The following CDH4 variants were observed in gnomAD, a reference collection of about 807,000 sequenced individuals.
CDH4 encodes the protein cadherin 4, also known as cadherin-4.
A neutral mutation model predicts 86.0 loss-of-function variants in CDH4; 33 were observed. That is an observed-to-expected ratio of 0.38 (90% CI 0.29 to 0.51). The LOEUF is 0.51. CDH4 is among the 20% of genes least tolerant of loss of function. The pLI is 0.86. For synonymous variants in CDH4, 555 were observed against 549.4 expected, an observed-to-expected ratio of 1.01 and a Z score of -0.14; for missense variants, 1,114 against 1,307.4, an observed-to-expected ratio of 0.85 and a Z score of 2.28.
intron 2 of CDH4, among the ~76,000 whole-genome samples, chr20:61,500,686 G>A (rs2085694611): frequency 6.6e-6 from 1 of 152,244 alleles, no homozygotes. Context: ...TGTGACTGAT[G>A]GGAAGAGGAA....
chr20:61,472,220 C>G (rs1487906271), intron 2 of CDH4, among the ~76,000 whole-genome samples: 2 of 152,202 alleles, frequency 1.3e-5, no homozygotes, highest in Non-Finnish European at 2.9e-5. Context: ...ATTGTTACAG[C>G]TGCTTGCTGA....
At chr20:61,496,929 GT>G (rs202011329) in intron 2 of CDH4, among the ~76,000 whole-genome samples, 3 of 133,732 alleles carry the variant, frequency 2.2e-5, no homozygotes, top group African/African-American at 5.6e-5. Flanking sequence ...GTGGGCAGGT[GT>G]TTTTTTTTGT....
chr20:61,882,004 G>A lies in CDH4; in HGVS notation c.1050+8104G>A, dbSNP rs541906851. 1.3e-3 allele frequency among the ~76,000 whole-genome samples: 191 copies of A among 152,352 alleles called. 1 individual carries two copies. Among genetic ancestry groups the A allele is most frequent in the African/African-American group, 4.5e-3 (186 of 41,582 alleles). On this transcript the variant is annotated intron_variant, in intron 7 of 15. Coordinates refer to ENST00000614565, the MANE Select transcript of CDH4 (RefSeq NM_001794.5). ...CAGACGATAAGGCTACAAGCCAAGG[G>A]TGCCTGGAGCCGCCAGGAGGTGGAA...
intron 2 of CDH4, among the ~76,000 whole-genome samples, chr20:61,408,634 C>G (rs146246791): frequency 1.8e-4 from 28 of 152,252 alleles, no homozygotes; most frequent in African/African-American, 6.5e-4. Context: ...GTCATGGAGA[C>G]AGTGTGGGGT....
In CDH4 at chr20:61,935,029, A is replaced by T. The variant is rs145078954; in HGVS notation, c.2544+809A>T. On this transcript the variant is annotated intron_variant, in intron 15 of 15. Coordinates refer to ENST00000614565, the MANE Select transcript of CDH4 (RefSeq NM_001794.5). ...GGTGAAGAGAACAGAGGAGCAAGTC[A>T]AACAGGGCAGACTCCTCCCAGGGAG... Among the ~76,000 whole-genome samples the T allele has an allele frequency of 1.5e-3, 234 of 152,352 alleles. 2 individuals carry two copies. The highest frequency in any genetic ancestry group is 5.4e-3 in the African/African-American group (225 of 41,574).
In CDH4 at chr20:61,518,873, A is replaced by G. The variant is rs1024144434; in HGVS notation, c.170-224690A>G. Among the ~76,000 whole-genome samples, 4 of 151,198 alleles carry G rather than the reference A, an allele frequency of 2.6e-5. No individual in the cohort carries two copies. The highest frequency in any genetic ancestry group is 9.7e-5 in the African/African-American group (4 of 41,268). On this transcript the variant is annotated intron_variant, in intron 2 of 15. Transcript: ENST00000614565. The surrounding 1 kb of genome is among the most constrained non-coding windows in gnomAD (Gnocchi z 6.3). ...CCCATCACCCATTCATCCATCATTCATTCATCAATCCACCCATCATCCATT... is the reference window on the plus strand; with the variant it reads ...CCCATCACCCATTCATCCATCATTCGTTCATCAATCCACCCATCATCCATT...
intron 2 of CDH4, among the ~76,000 whole-genome samples, chr20:61,408,550 T>G (rs2085097168): frequency 6.6e-6 from 1 of 152,128 alleles, no homozygotes; most frequent in Non-Finnish European, 1.5e-5. Context: ...CCTCCAGATG[T>G]TGCATTGCCT....
chr20:61,776,325 G>A (rs528236356), intron 4 of CDH4, among the ~76,000 whole-genome samples: 1 of 152,360 alleles, frequency 6.6e-6, no homozygotes, highest in East Asian at 1.9e-4. Context: ...GCCTCCTGAG[G>A]ACTGTCTGCT....
chr20:61,755,034 A>G (rs6061798), intron 3 of CDH4: 20,955 of 152,230 alleles, frequency 0.14, 2,098 homozygotes, highest in African/African-American at 0.27. Context: ...GGCAGGAGGC[A>G]AAAGGCGTTT....
intron 2 of CDH4, among the ~76,000 whole-genome samples, chr20:61,622,090 G>A (rs1321156432): frequency 2.0e-5 from 3 of 152,240 alleles, no homozygotes; most frequent in Non-Finnish European, 4.4e-5. Flanking sequence ...TCAAGGGTTG[G>A]CTGCTCACTG....
chr20:61,894,873 A>G, intron 7 of CDH4, 37 bp from the exon 8 acceptor site: 1 of 1,589,904 alleles, frequency 6.3e-7, no homozygotes, highest in Non-Finnish European at 8.6e-7. Flanking sequence ...ACCCAAACTG[A>G]TTTTCTGTTC....
chr20:61,620,535 TGATA>T (rs760673871), intron 2 of CDH4, among the ~76,000 whole-genome samples: 89 of 150,976 alleles, frequency 5.9e-4, no homozygotes, highest in South Asian at 1.5e-3. Flanking sequence ...CATACATACA[TGATA>T]GATAGGCAGA....
intron 6 of CDH4, among the ~76,000 whole-genome samples, chr20:61,857,060 T>C (rs906671469): frequency 6.6e-6 from 1 of 152,208 alleles, no homozygotes; most frequent in African/African-American, 2.4e-5. Context: ...GAGGGGAGCG[T>C]GTCTTTCCCA....
chr20:61,478,241 T>C (rs2085550182), intron 2 of CDH4, among the ~76,000 whole-genome samples: 1 of 151,706 alleles, frequency 6.6e-6, no homozygotes, highest in Non-Finnish European at 1.5e-5. Flanking sequence ...GAAGAGGAGG[T>C]GCTAGGAGCT....
At chr20:61,388,841 G>C (rs1175370827) in intron 2 of CDH4, among the ~76,000 whole-genome samples, 4 of 152,162 alleles carry the variant, frequency 2.6e-5, no homozygotes, top group African/African-American at 9.7e-5. Flanking sequence ...CATCTAAAAC[G>C]TAACTTCAAT....
chr20:61,763,319 C>T (rs1568802021), intron 3 of CDH4, among the ~76,000 whole-genome samples: 1 of 152,198 alleles, frequency 6.6e-6, no homozygotes, highest in African/African-American at 2.4e-5. Context: ...AACCCATGCT[C>T]AGGGAACCCA....
chr20:61,453,406 C>T (rs758667294), intron 2 of CDH4, among the ~76,000 whole-genome samples: 2 of 152,122 alleles, frequency 1.3e-5, no homozygotes, highest in South Asian at 2.1e-4. Flanking sequence ...GAATCCCAGC[C>T]GGCTGTGAGG....
At chr20:61,741,746 C>T (rs573944478) in intron 2 of CDH4, among the ~76,000 whole-genome samples, 7 of 152,074 alleles carry the variant, frequency 4.6e-5, no homozygotes, top group African/African-American at 9.7e-5. Context: ...CCTCCTCGGC[C>T]TCCCAAAGTG....
intron 2 of CDH4, among the ~76,000 whole-genome samples, chr20:61,308,944 G>C (rs956718365): frequency 6.6e-6 from 1 of 152,248 alleles, no homozygotes; most frequent in Non-Finnish European, 1.5e-5. Flanking sequence ...GCCTGGATCT[G>C]ATGGGAAGTC....
Sources: gnomAD v4.1 joint callset for allele counts (sites outside exome capture counted in the v4.1 genomes callset) on GRCh38, gnomAD v4.1.1 for gene constraint, Gnocchi (gnomAD v3.1) non-coding constraint, MANE v1.5 for transcripts, NCBI Gene and HGNC (gene_info 2026-07-23, HGNC 2026-07-21) for gene names.